TROAP: variants seen among roughly 807,000 people sequenced by gnomAD.
TROAP encodes the protein trophinin associated protein.
Under a neutral mutation model 83.4 loss-of-function variants are expected in TROAP, and 62 were observed. The observed-to-expected ratio is 0.74, with a 90% confidence interval of 0.61 to 0.92. The LOEUF is 0.92. Among genes scored for constraint, TROAP ranks in the 40% least tolerant of loss-of-function variants. The pLI is 0.00. For synonymous variants in TROAP, 352 were observed against 386.4 expected, an observed-to-expected ratio of 0.91 and a Z score of 1.04; for missense variants, 876 against 985.1, an observed-to-expected ratio of 0.89 and a Z score of 1.48.
Position 49,323,990 on chromosome 12 carries a change from C to T in TROAP, c.290C>T (p.Pro97Leu), listed in dbSNP as rs751521403. 1.2e-6 allele frequency: 2 copies of T among 1,614,196 alleles called. No homozygotes were observed. The highest frequency in any genetic ancestry group is 1.1e-5 in the South Asian group (1 of 91,086). ...CGGAACCCCTTGGAAGAGCTCAGGC[C>T]TAGCCCTAGGGGTCAAAATGTGGGG... ...QPRNPLEELR[P>L]SPRGQNVGPG... Residue 97 changes from proline to leucine, a missense_variant, in exon 3 of 15, where the codon CCT becomes CTT. Transcript: ENST00000257909.
chr12:49,328,813 A>G lies in TROAP; in HGVS notation c.892-114A>G, dbSNP rs1035604232. The G allele has an allele frequency of 6.4e-6, 9 of 1,407,600 alleles. No individual in the cohort carries two copies. In the African/African-American group the frequency reaches 8.6e-5, roughly 14 times the overall value. The allele number at this position is 1,407,600 out of a possible 1,614,324, so 87.2% of individuals were successfully genotyped here. On this transcript the variant is annotated intron_variant, in intron 8 of 14. Coordinates refer to ENST00000257909, the MANE Select transcript of TROAP (RefSeq NM_005480.4). ...CGGGATGCGGAGCTTGCAGTGAGCC[A>G]AGATCGCGCCACTGGACTCCATCCT...
intron 8 of TROAP, among the ~76,000 whole-genome samples, chr12:49,328,073 T>C (rs1368434087): frequency 6.6e-6 from 1 of 151,676 alleles, no homozygotes; most frequent in Non-Finnish European, 1.5e-5. Context: ...AGAAGAACAG[T>C]AGGAGATAGG....
Position 49,330,948 on chromosome 12 carries a change from G to C in TROAP, c.2098+5G>C, listed in dbSNP as rs1264373005. On this transcript the variant is annotated splice_donor_5th_base_variant and intron_variant, in intron 13 of 14. Coordinates refer to ENST00000257909, the MANE Select transcript of TROAP (RefSeq NM_005480.4). ...GACCCCCAGCAGGCCAGGCAGGTAA[G>C]GAGTTGGCTGGGAAGGAGTGTGAAC... 6.2e-7 allele frequency: 1 copy of C among 1,609,558 alleles called. No individual in the cohort carries two copies. The highest frequency in any genetic ancestry group is 8.5e-7 in the Non-Finnish European group (1 of 1,180,002).
rs1943565710 is a variant in TROAP, at chr12:49,330,613, G to T, written c.1768G>T (p.Glu590Ter). 2 of 1,611,314 alleles carry T rather than the reference G, an allele frequency of 1.2e-6. No individual in the cohort carries two copies. The highest frequency in any genetic ancestry group is 1.7e-5 in the Admixed American group (1 of 59,524). The change falls in exon 13 of 15, where the codon GAG becomes TAG. Residue 590 changes from glutamate to a stop codon, truncating the protein, a stop_gained. Coordinates refer to ENST00000257909, the MANE Select transcript of TROAP (RefSeq NM_005480.4). LOFTEE classifies it high-confidence loss of function. ...CCCTCCAGCAGAACCCAGGCCCCTAGAGTCCTACTGTAGGATTGAGCCTGA... is the reference window on the plus strand; with the variant it reads ...CCCTCCAGCAGAACCCAGGCCCCTATAGTCCTACTGTAGGATTGAGCCTGA... ...PCPPAEPRPL[E>*]SYCRIEPEIP... is the part of the protein sequence containing the mutation.
intron 8 of TROAP, among the ~76,000 whole-genome samples, chr12:49,328,647 G>A (rs915649539): frequency 8.5e-5 from 13 of 152,084 alleles, no homozygotes; most frequent in South Asian, 6.2e-4. Context: ...GGCAGATCAC[G>A]AGGTCAGGAG....
intron 14 of TROAP, 63 bp from the exon 15 acceptor site, chr12:49,331,510 G>A (rs1315602793): frequency 8.1e-6 from 13 of 1,613,576 alleles, no homozygotes; most frequent in Middle Eastern, 1.6e-4. Flanking sequence ...AGAGAGGTCA[G>A]CAGGAAGGCT....
In TROAP at chr12:49,331,325, A is replaced by G. The variant is rs945655380; in HGVS notation, c.2210A>G (p.Tyr737Cys). Residue 737 changes from tyrosine (Y) to cysteine (C), a missense_variant, in exon 14 of 15, where the codon TAC (tyrosine) becomes TGC (cysteine). Transcript: ENST00000257909. ...EARLDDECAF[Y>C]TSRAPPSGPT... Reference sequence around the variant, plus strand: ...CGTCTGGACGATGAGTGTGCCTTTTACACCAGCCGAGCCCCTCCCTCAGGC... The same window carrying G: ...CGTCTGGACGATGAGTGTGCCTTTTGCACCAGCCGAGCCCCTCCCTCAGGC... 6.2e-7 allele frequency: 1 copy of G among 1,613,978 alleles called. No homozygotes were observed. Among genetic ancestry groups the G allele is most frequent in the African/African-American group, 1.3e-5 (1 of 74,970 alleles).
rs781412895 is a variant in TROAP, at chr12:49,331,071, T to C, written c.2098+128T>C. The stretch of plus-strand genomic sequence containing the variant: ...ACCTTCCACCCTGGCCCAGCCTGGC[T>C]CTCCCTCAGGAAGAGGGGAGGGGCT... On this transcript the variant is annotated intron_variant, in intron 13 of 14. Transcript: ENST00000257909. 2.0e-6 allele frequency: 3 copies of C among 1,531,820 alleles called. No individual in the cohort carries two copies. The Middle Eastern group carries it at 5.1e-4, about 259-fold the overall frequency. The allele number at this position is 1,531,820 out of a possible 1,614,324, so 94.9% of individuals were successfully genotyped here. A position where few individuals can be genotyped will look rare whatever the true frequency, so the allele number is the denominator to read the frequency against.
At chr12:49,328,597 G>T (rs1356242026) in intron 8 of TROAP, among the ~76,000 whole-genome samples, 1 of 152,036 alleles carries the variant, frequency 6.6e-6, no homozygotes, top group African/African-American at 2.4e-5. Context: ...AGGCGTGGTG[G>T]CTTACTCCTG....
At position 49,330,912 on chromosome 12, in the gene TROAP, C is replaced by G. The variant is rs1000857762; in HGVS notation, c.2067C>G (p.Leu689=). 3 of 1,612,408 alleles carry G rather than the reference C, an allele frequency of 1.9e-6. No homozygotes were observed. Among genetic ancestry groups the G allele is most frequent in the Non-Finnish European group, 2.5e-6 (3 of 1,179,990 alleles). The change falls in exon 13 of 15, where the codon CTC becomes CTG. Residue 689 remains leucine, a synonymous_variant. Coordinates refer to ENST00000257909, the MANE Select transcript of TROAP (RefSeq NM_005480.4). ...GTGCCAGCCCCCCTATCTGCTCACT[C>G]CAGTCTTTGAGACCCCCAGCAGGCC... ...PLCASPPICS[L]QSLRPPAGQA...
intron 6 of TROAP, 59 bp from the exon 7 acceptor site, chr12:49,326,609 C>T: frequency 6.6e-7 from 1 of 1,505,712 alleles, no homozygotes; most frequent in Non-Finnish European, 9.0e-7. Flanking sequence ...GCACTTAGCA[C>T]ATGTCCAGCT....
chr12:49,327,422 T>G, intron 8 of TROAP, 92 bp downstream of exon 8: 6 of 1,548,426 alleles, frequency 3.9e-6, no homozygotes, highest in Admixed American at 1.8e-5. Flanking sequence ...GAATTGTAGG[T>G]AGAGCCAGGA....
At position 49,330,195 on chromosome 12, in the gene TROAP, A is replaced by G. The variant is rs762854494; in HGVS notation, c.1350A>G (p.Val450=). 1.5e-5 allele frequency: 25 copies of G among 1,613,912 alleles called. No homozygotes were observed. The highest frequency in any genetic ancestry group is 1.4e-5 in the Non-Finnish European group (17 of 1,179,940). Residue 450 remains valine, a synonymous_variant, in exon 13 of 15, where the codon GTA becomes GTG. Coordinates refer to ENST00000257909, the MANE Select transcript of TROAP (RefSeq NM_005480.4). ...TGAGACAGGAAGTAGAGGGGCTGGT[A>G]GGGGGCCAGTGTGTCCCTCTTAATG... ...QLLRQEVEGL[V]GGQCVPLNGG...
intron 8 of TROAP, among the ~76,000 whole-genome samples, chr12:49,328,437 G>A (rs1003924160): frequency 2.0e-5 from 3 of 151,894 alleles, no homozygotes; most frequent in African/African-American, 7.3e-5. Flanking sequence ...TGGTCAAGCT[G>A]GTCTCAAACT....
rs1943428654 is a variant in TROAP, at chr12:49,323,325, G to C, written c.-30G>C. ...TCAGGAGAAAAGCGGAGGAAGCTGG[G>C]TAGGCCCTGAGGGGCCTCGGTAAGG... On this transcript the variant is annotated 5_prime_UTR_variant, in exon 1 of 15. Coordinates refer to ENST00000257909, the MANE Select transcript of TROAP (RefSeq NM_005480.4). 1 of 375,504 alleles carries C rather than the reference G, an allele frequency of 2.7e-6. No homozygotes were observed. Among genetic ancestry groups the C allele is most frequent in the East Asian group, 4.4e-5 (1 of 22,618 alleles). The allele number at this position is 375,504 out of a possible 1,614,324, so 23.3% of individuals were successfully genotyped here.
intron 14 of TROAP, 59 bp from the exon 15 acceptor site, chr12:49,331,514 G>A: frequency 6.2e-7 from 1 of 1,613,902 alleles, no homozygotes; most frequent in South Asian, 1.1e-5. Flanking sequence ...AGGTCAGCAG[G>A]AAGGCTTGGC....
At chr12:49,324,225 C>T (rs372154926) in intron 3 of TROAP, 188 bp downstream of exon 3, 20 of 1,610,728 alleles carry the variant, frequency 1.2e-5, no homozygotes, top group South Asian at 4.4e-5. Flanking sequence ...AATGTCATCT[C>T]GCCAGGTGCC....
chr12:49,330,423 C>T lies in TROAP; in HGVS notation c.1578C>T (p.Phe526=), dbSNP rs1191460820. 6.2e-7 allele frequency: 1 copy of T among 1,614,168 alleles called. No individual in the cohort carries two copies. Among genetic ancestry groups the T allele is most frequent in the Non-Finnish European group, 8.5e-7 (1 of 1,180,002 alleles). ...CAGAGCCTGGGCCCCCAGAGGCCTTCTGTAGGAGTGAGCCTGAGATACCAG... is the reference window on the plus strand; with the variant it reads ...CAGAGCCTGGGCCCCCAGAGGCCTTTTGTAGGAGTGAGCCTGAGATACCAG... ...PPAEPGPPEA[F]CRSEPEIPEP... is the part of the protein sequence containing the mutation. Residue 526 remains phenylalanine (F), a synonymous_variant, in exon 13 of 15, where the codon TTC becomes TTT. Coordinates refer to ENST00000257909, the MANE Select transcript of TROAP (RefSeq NM_005480.4).
chr12:49,330,964 G>A (rs1297163343), intron 13 of TROAP, 21 bp downstream of exon 13: 1 of 1,607,704 alleles, frequency 6.2e-7, no homozygotes, highest in Non-Finnish European at 8.5e-7. Flanking sequence ...GGCTGGGAAG[G>A]AGTGTGAACA....
Sources: allele counts gnomAD v4.1 joint callset (sites outside exome capture counted in the v4.1 genomes callset), GRCh38; gene constraint gnomAD v4.1.1; transcripts MANE v1.5; gene names NCBI Gene and HGNC (gene_info 2026-07-23, HGNC 2026-07-21).